OR51B5: variants seen among roughly 807,000 people sequenced by gnomAD.
The protein encoded by OR51B5 is olfactory receptor family 51 subfamily B member 5, also known as olfactory receptor 51B5.
For synonymous variants in OR51B5, 186 were observed against 144.8 expected (o/e 1.28, Z -2.04); for missense variants, 456 against 374.6 (o/e 1.22, Z -1.79).
At chr11:5,433,271 G>A (rs1554891370) in intron 1 of OR51B5, among the ~76,000 whole-genome samples, 4 of 152,192 alleles carry the variant, frequency 2.6e-5, no homozygotes, top group Non-Finnish European at 5.9e-5. Context: ...ATCCCAGTCA[G>A]AAGGTTGAAA....
chr11:5,379,699 G>A (rs1278047712), intron 1 of OR51B5, among the ~76,000 whole-genome samples: 3 of 126,460 alleles, frequency 2.4e-5, no homozygotes, highest in South Asian at 2.6e-4. Flanking sequence ...TAGATTTTAT[G>A]TCCAGATGTT....
At chr11:5,414,266 A>C (rs1041708962) in intron 1 of OR51B5, among the ~76,000 whole-genome samples, 1 of 151,680 alleles carries the variant, frequency 6.6e-6, no homozygotes, top group Admixed American at 6.6e-5. Flanking sequence ...CTGCCCTAGA[A>C]GAGCTCCTGA....
rs148591287 is a variant in OR51B5 at position 5,343,091 on chromosome 11, C to G, written c.434G>C (p.Gly145Ala). The G allele has an allele frequency of 3.1e-5, 50 of 1,613,030 alleles. No individual in the cohort carries two copies. In the African/African-American group the frequency reaches 6.3e-4, roughly 20 times the overall value. ...GGATACAAATCCCCTCATCAGAACT[C>G]CCAGCCCAATCTTCACTACTCGAGT... Residue 145 changes from glycine to alanine, a missense_variant, in exon 1 of 1, where the codon GGA becomes GCA. By Grantham distance (60) the Gly-to-Ala change is moderately conservative (BLOSUM62 0). Transcript: ENST00000300773.
intron 1 of OR51B5, among the ~76,000 whole-genome samples, chr11:5,466,599 C>A (rs1851141853): frequency 6.6e-6 from 1 of 152,186 alleles, no homozygotes; most frequent in African/African-American, 2.4e-5. Context: ...TCATTGATGT[C>A]TTTTATTTTT....
intron 1 of OR51B5, among the ~76,000 whole-genome samples, chr11:5,387,915 T>G (rs1287819700): frequency 6.6e-6 from 1 of 152,212 alleles, no homozygotes; most frequent in Non-Finnish European, 1.5e-5. Flanking sequence ...TGTATGTGTT[T>G]ATTTTTGTCT....
intron 1 of OR51B5, among the ~76,000 whole-genome samples, chr11:5,473,776 A>C (rs916017894): frequency 6.6e-6 from 1 of 152,168 alleles, no homozygotes; most frequent in African/African-American, 2.4e-5. Flanking sequence ...CCTCATGAAA[A>C]ACTAGAACTT....
chr11:5,450,931 A>G (rs1294384284), intron 1 of OR51B5, among the ~76,000 whole-genome samples: 1 of 152,146 alleles, frequency 6.6e-6, no homozygotes, highest in Non-Finnish European at 1.5e-5. Context: ...CAGAACTTAA[A>G]GTAAAAAAAA....
chr11:5,412,297 C>A (rs1435951063), intron 1 of OR51B5, among the ~76,000 whole-genome samples: 1 of 152,142 alleles, frequency 6.6e-6, no homozygotes, highest in African/African-American at 2.4e-5. Flanking sequence ...TAAAAAGCAT[C>A]GAACCGGGAG....
intron 1 of OR51B5, among the ~76,000 whole-genome samples, chr11:5,401,297 A>G (rs766074733): frequency 1.1e-4 from 17 of 152,246 alleles, no homozygotes; most frequent in Admixed American, 1.3e-4. Context: ...TGTTGAGTCA[A>G]CAGATTGTGG....
At chr11:5,466,132 A>G (rs994474138) in intron 1 of OR51B5, among the ~76,000 whole-genome samples, 1 of 152,226 alleles carries the variant, frequency 6.6e-6, no homozygotes, top group African/African-American at 2.4e-5. Flanking sequence ...CCCCATCAAA[A>G]AGTGGGCGAA....
At chr11:5,349,758 C>T (rs1204437129) in intron 1 of OR51B5, among the ~76,000 whole-genome samples, 1 of 152,088 alleles carries the variant, frequency 6.6e-6, no homozygotes, top group Non-Finnish European at 1.5e-5. Flanking sequence ...ATAATACCTC[C>T]TTTTCTCACT....
chr11:5,489,176 C>T lies in OR51B5; in HGVS notation n.84+16393G>A, dbSNP rs80249613. The T allele has an allele frequency of 6.2e-7, 1 of 1,612,970 alleles. No individual in the cohort carries two copies. Among genetic ancestry groups the T allele is most frequent in the Non-Finnish European group, 8.5e-7 (1 of 1,179,944 alleles). On this transcript the variant is annotated intron_variant and non_coding_transcript_variant, in intron 1 of 4. Coordinates refer to the OR51B5 transcript ENST00000415970. The stretch of plus-strand genomic sequence containing the variant: ...TTTGTTGGGCTATTCCGTAGTGTGG[C>T]TATTGTCTCCCCCTTCATCTTCTTG...
intron 1 of OR51B5, chr11:5,422,367 C>G: frequency 1.2e-6 from 2 of 1,614,210 alleles, no homozygotes; most frequent in Non-Finnish European, 1.7e-6. Flanking sequence ...ACAGAGCCAT[C>G]TGTCCACCAG....
At chr11:5,384,150 T>C (rs1849650536) in intron 1 of OR51B5, among the ~76,000 whole-genome samples, 1 of 152,126 alleles carries the variant, frequency 6.6e-6, no homozygotes, top group Admixed American at 6.5e-5. Flanking sequence ...GATTTTTTTT[T>C]CTTTGTTTTC....
intron 1 of OR51B5, among the ~76,000 whole-genome samples, chr11:5,374,036 G>A (rs902522390): frequency 6.6e-5 from 10 of 152,132 alleles, no homozygotes; most frequent in Non-Finnish European, 1.0e-4. Context: ...CCTCAAGTGG[G>A]TCCCTGACCC....
chr11:5,422,657 T>C (rs10838093), intron 1 of OR51B5: 647,830 of 1,612,490 alleles, frequency 0.4, 133,693 homozygotes, highest in East Asian at 0.68. Context: ...CATCATTTGC[T>C]GCTGTGTTCT....
At chr11:5,415,284 A>G (rs562473464) in intron 1 of OR51B5, among the ~76,000 whole-genome samples, 6 of 151,230 alleles carry the variant, frequency 4.0e-5, no homozygotes, top group Admixed American at 4.0e-4. Context: ...CAGTGTGTAG[A>G]GGGAAATTTA....
rs142738618 is a variant in OR51B5 at position 5,422,455 on chromosome 11, G to C, written n.85-75545C>G. The C allele has an allele frequency of 3.1e-4, 502 of 1,614,178 alleles. No individual in the cohort carries two copies. The African/African-American group carries it at 5.8e-3, about 19-fold the overall frequency. On this transcript the variant is annotated intron_variant and non_coding_transcript_variant, in intron 1 of 4. Coordinates refer to the OR51B5 transcript ENST00000415970. Reference sequence around the variant, plus strand: ...TCACCACCCTACCCACAGTCATGCAGCTTCTCTGGTTCAACGTTCGTAGAA... The same window carrying C: ...TCACCACCCTACCCACAGTCATGCACCTTCTCTGGTTCAACGTTCGTAGAA...
intron 1 of OR51B5, chr11:5,453,973 T>C: frequency 6.2e-7 from 1 of 1,614,094 alleles, no homozygotes; most frequent in Non-Finnish European, 8.5e-7. Context: ...CTTCCCTTTC[T>C]TATTAAGAGG....
Sources: allele counts gnomAD v4.1 joint callset (sites outside exome capture counted in the v4.1 genomes callset), GRCh38; gene constraint gnomAD v4.1.1; transcripts MANE v1.5; gene names NCBI Gene and HGNC (gene_info 2026-07-23, HGNC 2026-07-21).